The following COBLL1 variants were observed in gnomAD, a reference collection of about 807,000 sequenced individuals.
COBLL1 encodes the protein cordon-bleu protein-like 1.
Under a neutral mutation model 94.8 loss-of-function variants are expected in COBLL1, and 50 were observed. That is an observed-to-expected ratio of 0.53 (90% CI 0.42 to 0.67). The LOEUF (loss-of-function observed/expected upper bound fraction) is 0.67, where lower values mean the gene tolerates loss of function less well. Ranked by LOEUF, COBLL1 falls within the 30% of genes least tolerant of loss-of-function variation. The pLI, the probability that COBLL1 is intolerant of heterozygous loss-of-function variation, is 0.00. For synonymous variants in COBLL1, 448 were observed against 473.8 expected (o/e 0.95, Z 0.71); for missense variants, 1,362 against 1,348.7 (o/e 1.01, Z -0.15).
Position 164,704,904 on chromosome 2 carries a change from T to A in COBLL1, c.1150+48A>T, listed in dbSNP as rs1486296719. ...CCCATATCTTTCCTACTGTCCATATTAAACAAAACACAATACAAATGTAAT... is the reference window on the plus strand; with the variant it reads ...CCCATATCTTTCCTACTGTCCATATAAAACAAAACACAATACAAATGTAAT... On this transcript the variant is annotated intron_variant, in intron 8 of 13. Transcript: ENST00000652658. The A allele has an allele frequency of 2.7e-6, 4 of 1,491,090 alleles. No individual in the cohort carries two copies. The African/African-American group carries it at 5.6e-5, about 21-fold the overall frequency. The allele number at this position is 1,491,090 out of a possible 1,614,324, so 92.4% of individuals were successfully genotyped here.
At chr2:164,672,705 CAAAAA>C (rs1187183800) in intron 1 of COBLL1, among the ~76,000 whole-genome samples, 3 of 64,968 alleles carry the variant, frequency 4.6e-5, no homozygotes, top group African/African-American at 1.0e-4. Flanking sequence ...GACTCCGTCT[CAAAAA>C]AAAAAAAAAA....
Position 164,681,652 on chromosome 2 carries a change from C to T in COBLL1, c.*4294G>A, listed in dbSNP as rs1329531599. ...CACTATGCCTATCGCTATCGCAAGG[C>T]GTGGGCTGGAAACTAAGAATAAACT... On this transcript the variant is annotated 3_prime_UTR_variant, in exon 14 of 14. Coordinates refer to ENST00000652658, the MANE Select transcript of COBLL1 (RefSeq NM_001365672.2). The T allele has an allele frequency of 6.6e-6, 1 of 152,242 alleles. No individual in the cohort carries two copies. Among genetic ancestry groups the T allele is most frequent in the South Asian group, 2.1e-4 (1 of 4,830 alleles). 9.4% of individuals were successfully genotyped at this position (152,242 alleles called of 1,614,324 possible).
intron 9 of COBLL1, among the ~76,000 whole-genome samples, chr2:164,704,085 G>A (rs1684456864): frequency 6.6e-6 from 1 of 152,104 alleles, no homozygotes; most frequent in Admixed American, 6.5e-5. Flanking sequence ...ACACTTTCCT[G>A]TAAGTTTTCT....
intron 2 of COBLL1, among the ~76,000 whole-genome samples, chr2:164,822,732 T>G (rs1685228238): frequency 1.3e-5 from 1 of 77,480 alleles, no homozygotes; most frequent in Non-Finnish European, 2.6e-5. Flanking sequence ...AAAGATTATA[T>G]TATATTATTA....
At chr2:164,829,970 T>C (rs1393238751) in intron 2 of COBLL1, among the ~76,000 whole-genome samples, 4 of 152,138 alleles carry the variant, frequency 2.6e-5, no homozygotes, top group South Asian at 2.1e-4. Flanking sequence ...TGGTGTGACA[T>C]AGATCCACAT....
intron 3 of COBLL1, among the ~76,000 whole-genome samples, chr2:164,742,959 A>T (rs1686675816): frequency 6.6e-6 from 1 of 152,162 alleles, no homozygotes; most frequent in Non-Finnish European, 1.5e-5. Context: ...AAAGAACAAG[A>T]CCAAGTCTAT....
chr2:164,813,492 A>G (rs1302254388), intron 2 of COBLL1, among the ~76,000 whole-genome samples: 3 of 152,130 alleles, frequency 2.0e-5, no homozygotes, highest in African/African-American at 7.2e-5. Context: ...CCATCATCCA[A>G]ATGGAACATC....
At position 164,704,947 on chromosome 2, in the gene COBLL1, A is replaced by G. The variant is rs576135882; in HGVS notation, c.1150+5T>C. On this transcript the variant is annotated splice_donor_5th_base_variant and intron_variant, in intron 8 of 13. Transcript: ENST00000652658. ...AATGTAATGTTAATGAAACAACCAC[A>G]TTACCAGTCACACGACTATTTTCAT... 10 of 1,566,124 alleles carry G rather than the reference A, an allele frequency of 6.4e-6. 1 individual carries two copies. The East Asian group carries it at 2.3e-4, about 36-fold the overall frequency.
chr2:164,787,374 T>C (rs1009636693), intron 2 of COBLL1, among the ~76,000 whole-genome samples: 2 of 152,168 alleles, frequency 1.3e-5, no homozygotes, highest in Non-Finnish European at 2.9e-5. Flanking sequence ...TGGTGACTGA[T>C]ACAACTGAAA....
intron 2 of COBLL1, 82 bp from the exon 3 acceptor site, chr2:164,743,957 T>C: frequency 3.9e-6 from 4 of 1,026,126 alleles, no homozygotes; most frequent in Non-Finnish European, 5.5e-6. Flanking sequence ...TTTATAAATA[T>C]GATCTAGTAG....
chr2:164,739,927 CTAT>C (rs1412935421), intron 3 of COBLL1, among the ~76,000 whole-genome samples: 1 of 152,158 alleles, frequency 6.6e-6, no homozygotes, highest in African/African-American at 2.4e-5. Context: ...CCTAATCACA[CTAT>C]TAAGATATCC....
At chr2:164,798,690 C>A (rs2105313177) in intron 2 of COBLL1, among the ~76,000 whole-genome samples, 1 of 152,246 alleles carries the variant, frequency 6.6e-6, no homozygotes, top group South Asian at 2.1e-4. Context: ...CTATTCACAG[C>A]AAAAGAAACT....
At chr2:164,791,900 C>T (rs925483981) in intron 2 of COBLL1, among the ~76,000 whole-genome samples, 2 of 151,422 alleles carry the variant, frequency 1.3e-5, no homozygotes, top group East Asian at 1.9e-4. Flanking sequence ...AAAAAGCAGC[C>T]GGCTTTTCCT....
chr2:164,727,233 T>C lies in COBLL1; in HGVS notation c.661+736A>G, dbSNP rs538471649. ...AAACATCACTGAGTTGAAAAAGTAGTCTATGGATTACATAAAGCCACCACC... is the reference window on the plus strand; with the variant it reads ...AAACATCACTGAGTTGAAAAAGTAGCCTATGGATTACATAAAGCCACCACC... On this transcript the variant is annotated intron_variant, in intron 5 of 13. Coordinates refer to ENST00000652658, the MANE Select transcript of COBLL1 (RefSeq NM_001365672.2). 284 of 662,898 alleles carry C rather than the reference T, an allele frequency of 4.3e-4. 2 individuals are homozygous for C. Among genetic ancestry groups the C allele is most frequent in the Middle Eastern group, 1.3e-3 (5 of 3,892 alleles). The allele number at this position is 662,898 out of a possible 1,614,324, so 41.1% of individuals were successfully genotyped here. A position where few individuals can be genotyped will look rare whatever the true frequency, so the allele number is the denominator to read the frequency against.
chr2:164,737,829 T>C (rs1686391681), intron 3 of COBLL1, among the ~76,000 whole-genome samples: 1 of 152,150 alleles, frequency 6.6e-6, no homozygotes, highest in South Asian at 2.1e-4. Flanking sequence ...CCCGAGTTCC[T>C]CAGCGGACCA....
chr2:164,744,637 T>C (rs1686775473), intron 2 of COBLL1, among the ~76,000 whole-genome samples: 1 of 152,114 alleles, frequency 6.6e-6, no homozygotes, highest in Non-Finnish European at 1.5e-5. Flanking sequence ...CTGCGCAACA[T>C]GGTGAGACCC....
At chr2:164,687,732 T>C (rs1683376828) in intron 13 of COBLL1, 1 of 642,110 alleles carries the variant, frequency 1.6e-6, no homozygotes, top group South Asian at 1.7e-5. Flanking sequence ...CATTGCACAC[T>C]GGGCCCCCAT....
chr2:164,766,255 A>C (rs1687928770), intron 2 of COBLL1, among the ~76,000 whole-genome samples: 1 of 152,180 alleles, frequency 6.6e-6, no homozygotes, highest in Non-Finnish European at 1.5e-5. Flanking sequence ...ATGAACACTC[A>C]CATACAAATC....
At chr2:164,762,319 G>GTT (rs539866109) in intron 2 of COBLL1, among the ~76,000 whole-genome samples, 62 of 152,304 alleles carry the variant, frequency 4.1e-4, no homozygotes, top group African/African-American at 1.4e-3. Context: ...GAGCATGTGT[G>GTT]TTTGAAGGAG....
Sources: gnomAD v4.1 joint callset for allele counts (sites outside exome capture counted in the v4.1 genomes callset) on GRCh38, gnomAD v4.1.1 for gene constraint, MANE v1.5 for transcripts, NCBI Gene and HGNC (gene_info 2026-07-23, HGNC 2026-07-21) for gene names.